HIVEP2: variants seen among roughly 807,000 people sequenced by gnomAD.
The protein encoded by HIVEP2 is HIVEP zinc finger 2, also known as transcription factor HIVEP2.
HIVEP2 carries 14 observed loss-of-function variants against 180.7 expected under a neutral mutation model. The observed-to-expected ratio is 0.08, with a 90% CI of 0.05 to 0.12. The LOEUF is 0.12. HIVEP2 is among the 10% of genes least tolerant of loss of function. HIVEP2 has a pLI of 1.00. For missense variants in HIVEP2, 2,579 were observed against 3,008.5 expected (o/e 0.86, Z 3.34); for synonymous variants, 1,184 against 1,136.4 (o/e 1.04, Z -0.84).
chr6:142,847,995 A>G (rs530473481), intron 1 of HIVEP2, among the ~76,000 whole-genome samples: 4 of 152,330 alleles, frequency 2.6e-5, no homozygotes, highest in Non-Finnish European at 5.9e-5. Flanking sequence ...CTTAATCCTA[A>G]ATATAGGACT....
intron 1 of HIVEP2, among the ~76,000 whole-genome samples, chr6:142,928,140 G>A (rs1044381831): frequency 6.6e-6 from 1 of 152,180 alleles, no homozygotes; most frequent in African/African-American, 2.4e-5. Context: ...CCACTCTAGC[G>A]CAAGACTTCG....
chr6:142,832,220 A>G (rs1024777099), intron 2 of HIVEP2, among the ~76,000 whole-genome samples: 1 of 151,600 alleles, frequency 6.6e-6, no homozygotes, highest in African/African-American at 2.4e-5. Flanking sequence ...AAAACAAAAA[A>G]CAAAAACAAA....
At chr6:142,885,873 A>G (rs1776685316) in intron 1 of HIVEP2, among the ~76,000 whole-genome samples, 1 of 152,154 alleles carries the variant, frequency 6.6e-6, no homozygotes, top group African/African-American at 2.4e-5. Flanking sequence ...TATTTTATTC[A>G]CTTTCTCCTT....
At chr6:142,793,380 T>C (rs1265282535) in intron 2 of HIVEP2, among the ~76,000 whole-genome samples, 1 of 152,184 alleles carries the variant, frequency 6.6e-6, no homozygotes, top group East Asian at 1.9e-4. Flanking sequence ...TTAGCATCAT[T>C]AGTGACTGAG....
intron 1 of HIVEP2, among the ~76,000 whole-genome samples, chr6:142,853,998 C>G (rs938817117): frequency 1.3e-5 from 2 of 152,176 alleles, no homozygotes; most frequent in African/African-American, 4.8e-5. Flanking sequence ...GCCATTCACT[C>G]TGTCACTGAC....
rs758945852 is a variant in HIVEP2 at position 142,772,648 on chromosome 6, G to A, written c.2091C>T (p.Arg697=). 3 of 1,614,084 alleles carry A rather than the reference G, an allele frequency of 1.9e-6. No homozygotes were observed. The African/African-American group carries it at 4.0e-5, about 22-fold the overall frequency. ...MFGTTCENRK[R]RKEKSVGDEE... ...CATCCCCTACGCTCTTCTCTTTCCGGCGTTTCCTGTTTTCACAGGTAGTTC... is the reference window on the plus strand; with the variant it reads ...CATCCCCTACGCTCTTCTCTTTCCGACGTTTCCTGTTTTCACAGGTAGTTC... Residue 697 remains arginine (R), a synonymous_variant, in exon 5 of 10, where the codon CGC becomes CGT. Coordinates refer to ENST00000367603, the MANE Select transcript of HIVEP2 (RefSeq NM_006734.4). The surrounding 1 kb of genome is among the most constrained non-coding windows in gnomAD (Gnocchi z 4.9).
rs1265399210 is a variant in HIVEP2, at chr6:142,773,128, A to G, written c.1611T>C (p.Ser537=). Residue 537 remains serine (S), a synonymous_variant, in exon 5 of 10, where the codon TCT becomes TCC. Coordinates refer to ENST00000367603, the MANE Select transcript of HIVEP2 (RefSeq NM_006734.4). ...CTGAGTTGCTTCTAATAAGGGGTGA[A>G]GAGTCTACAGGAGCTTCTAAGAGAA... is the stretch of plus-strand genomic sequence containing the variant. ...NPVLLEAPVD[S]SPLIRSNSVP... is the part of the protein sequence containing the mutation. 2 of 1,614,216 alleles carry G rather than the reference A, an allele frequency of 1.2e-6. No homozygotes were observed. Among genetic ancestry groups the G allele is most frequent in the Admixed American group, 1.7e-5 (1 of 60,032 alleles).
chr6:142,806,402 C>T (rs2114778054), intron 2 of HIVEP2, among the ~76,000 whole-genome samples: 2 of 152,292 alleles, frequency 1.3e-5, no homozygotes, highest in South Asian at 4.1e-4. Flanking sequence ...CTTGCTTTCA[C>T]TTTACTCTAA....
intron 2 of HIVEP2, among the ~76,000 whole-genome samples, chr6:142,803,332 T>C (rs1012516905): frequency 2.6e-5 from 4 of 152,136 alleles, no homozygotes; most frequent in Non-Finnish European, 5.9e-5. Flanking sequence ...TGCTATTTTT[T>C]CTGACTATAT....
intron 1 of HIVEP2, among the ~76,000 whole-genome samples, chr6:142,934,378 A>G (rs949718579): frequency 2.6e-5 from 4 of 152,198 alleles, no homozygotes; most frequent in Non-Finnish European, 5.9e-5. Context: ...AAGGCAAGCA[A>G]TCAACTAGTG....
At chr6:142,766,714 A>AAT (rs1221368062) in intron 6 of HIVEP2, among the ~76,000 whole-genome samples, 1 of 152,230 alleles carries the variant, frequency 6.6e-6, no homozygotes, top group African/African-American at 2.4e-5. Flanking sequence ...TGGTATAAAT[A>AAT]ATATATCATA....
At chr6:142,936,826 A>ATTTTT (rs777113177) in intron 1 of HIVEP2, among the ~76,000 whole-genome samples, 3 of 142,532 alleles carry the variant, frequency 2.1e-5, no homozygotes, top group African/African-American at 7.7e-5. Context: ...AAGGCAAGGA[A>ATTTTT]TTTTTTTTTT....
chr6:142,784,382 C>T (rs1247310436), intron 2 of HIVEP2, among the ~76,000 whole-genome samples: 2 of 152,122 alleles, frequency 1.3e-5, no homozygotes, highest in African/African-American at 4.8e-5. Context: ...TAAAACATAA[C>T]AGTTAAAGTG....
chr6:142,771,072 G>T lies in HIVEP2; in HGVS notation c.3667C>A (p.Pro1223Thr), dbSNP rs767322697. The T allele has an allele frequency of 6.2e-7, 1 of 1,614,170 alleles. No individual in the cohort carries two copies. The highest frequency in any genetic ancestry group is 2.2e-5 in the East Asian group (1 of 44,890). Reference protein sequence around the residue: ...VCMVHLPAQQPPWWQAHFPHP... With the variant: ...VCMVHLPAQQTPWWQAHFPHP... ...GGGAAATGTGCCTGCCACCAGGGAG[G>T]CTGCTGAGCTGGTAAATGAACCATA... Residue 1223 changes from proline to threonine, a missense_variant, in exon 5 of 10, where the codon CCT becomes ACT. Transcript: ENST00000367603. The surrounding 1 kb of genome is among the most constrained non-coding windows in gnomAD (Gnocchi z 5.4).
In HIVEP2 at chr6:142,792,575, G is replaced by A. The variant is rs566396492; in HGVS notation, c.-527-8960C>T. On this transcript the variant is annotated intron_variant, in intron 2 of 9. Coordinates refer to ENST00000367603, the MANE Select transcript of HIVEP2 (RefSeq NM_006734.4). Reference sequence around the variant, plus strand: ...GGGCCTGTCGGGTGGTGGAGGACAAGGGGAGGGAGAGCATTAGGACAAATA... The same window carrying A: ...GGGCCTGTCGGGTGGTGGAGGACAAAGGGAGGGAGAGCATTAGGACAAATA... Among the ~76,000 whole-genome samples, 136 of 152,230 alleles carry A rather than the reference G, an allele frequency of 8.9e-4. 2 individuals are homozygous for A. The highest frequency in any genetic ancestry group is 4.6e-4 in the Non-Finnish European group (31 of 68,018).
At chr6:142,833,580 T>A (rs541989859) in intron 2 of HIVEP2, among the ~76,000 whole-genome samples, 9 of 152,188 alleles carry the variant, frequency 5.9e-5, no homozygotes, top group Non-Finnish European at 1.2e-4. Context: ...TACTTACTGA[T>A]GGAATGATGA....
intron 1 of HIVEP2, among the ~76,000 whole-genome samples, chr6:142,862,521 A>G: frequency 6.8e-6 from 1 of 146,110 alleles, no homozygotes; most frequent in South Asian, 2.1e-4. Context: ...TATAATACAT[A>G]TAATCGATTA....
At chr6:142,775,204 CA>C in intron 4 of HIVEP2, 79 bp from the exon 5 acceptor site, 1 of 326,490 alleles carries the variant, frequency 3.1e-6, no homozygotes, top group Non-Finnish European at 4.4e-6. Flanking sequence ...CCTAACTAAC[CA>C]ACCAGAAATT....
At chr6:142,842,794 A>G (rs1775402955) in intron 1 of HIVEP2, among the ~76,000 whole-genome samples, 1 of 151,408 alleles carries the variant, frequency 6.6e-6, no homozygotes. Context: ...GCTTCTTAGT[A>G]TAAGATTTTT....
Sources: allele counts gnomAD v4.1 joint callset (sites outside exome capture counted in the v4.1 genomes callset), GRCh38; gene constraint gnomAD v4.1.1; non-coding constraint Gnocchi (gnomAD v3.1); transcripts MANE v1.5; gene names NCBI Gene and HGNC (gene_info 2026-07-23, HGNC 2026-07-21).